The following FBXW11 variants were observed in gnomAD, a reference collection of about 807,000 sequenced individuals.
The protein encoded by FBXW11 is F-box/WD repeat-containing protein 11.
Under a neutral mutation model 77.6 loss-of-function variants are expected in FBXW11, and 19 were observed. The ratio of observed to expected loss-of-function variants is 0.24; its 90% CI spans 0.17 to 0.36. The LOEUF (loss-of-function observed/expected upper bound fraction) is 0.36. Among genes scored for constraint, FBXW11 ranks in the 10% least tolerant of loss-of-function variants. The probability of loss-of-function intolerance (pLI) is 1.00; values close to 1 mark genes in which losing one functional copy is unlikely to be tolerated. For missense variants in FBXW11, 334 were observed against 704.2 expected (o/e 0.47, Z 5.95); for synonymous variants, 235 against 249.4 (o/e 0.94, Z 0.54).
chr5:171,984,772 G>GA lies in FBXW11; in HGVS notation c.45+21685dup, dbSNP rs765986558. ...CTCCATAATTATAAGGAAAATTATA[G>GA]AAAAAAAGAATCGCACTATAAATAT... On this transcript the variant is annotated intron_variant, in intron 1 of 13. Coordinates refer to ENST00000517395, the MANE Select transcript of FBXW11 (RefSeq NM_001378974.1). Among the ~76,000 whole-genome samples the GA allele has an allele frequency of 6.1e-4, 93 of 152,042 alleles. No individual in the cohort carries two copies. The Middle Eastern group carries it at 0.014, about 22-fold the overall frequency.
At chr5:171,891,953 T>C (rs1759377508) in intron 6 of FBXW11, among the ~76,000 whole-genome samples, 1 of 152,066 alleles carries the variant, frequency 6.6e-6, no homozygotes, top group African/African-American at 2.4e-5. Flanking sequence ...TAATGCCAAT[T>C]AAAAAACCAT....
intron 2 of FBXW11, among the ~76,000 whole-genome samples, chr5:171,942,286 T>C (rs907423319): frequency 1.7e-4 from 26 of 151,574 alleles, no homozygotes; most frequent in African/African-American, 6.1e-4. Context: ...ATAATTTCCT[T>C]TATAGCAGAG....
At chr5:171,944,302 C>T (rs111444116) in intron 2 of FBXW11, among the ~76,000 whole-genome samples, 93 of 151,832 alleles carry the variant, frequency 6.1e-4, no homozygotes, top group African/African-American at 2.1e-3. Flanking sequence ...GAAGGCCGGG[C>T]GCTGTGGCTC....
intron 7 of FBXW11, among the ~76,000 whole-genome samples, chr5:171,887,668 T>G (rs1042825073): frequency 4.0e-5 from 6 of 149,056 alleles, no homozygotes; most frequent in African/African-American, 1.5e-4. Flanking sequence ...TTTTCTTTCT[T>G]TTTTTTTTTA....
intron 1 of FBXW11, chr5:171,996,759 A>G (rs1257296337): frequency 1.8e-6 from 1 of 558,074 alleles, no homozygotes; most frequent in African/African-American, 2.0e-5. Flanking sequence ...CAAACATGAC[A>G]CTACGCACAA....
rs565806852 is a variant in FBXW11 at position 171,863,364 on chromosome 5, G to A, written c.*763C>T. 4 of 152,690 alleles carry A rather than the reference G, an allele frequency of 2.6e-5. No homozygotes were observed. Among genetic ancestry groups the A allele is most frequent in the South Asian group, 2.1e-4 (1 of 4,818 alleles). The allele number at this position is 152,690 out of a possible 1,614,324, so 9.5% of individuals were successfully genotyped here. On this transcript the variant is annotated 3_prime_UTR_variant, in exon 14 of 14. Coordinates refer to ENST00000517395, the MANE Select transcript of FBXW11 (RefSeq NM_001378974.1). ...TGTTATGTACATTATATCTACATGC[G>A]AATACAGTATTTTAAATTAGGAGGC...
At chr5:171,978,644 T>G (rs890520269) in intron 1 of FBXW11, among the ~76,000 whole-genome samples, 2 of 152,166 alleles carry the variant, frequency 1.3e-5, no homozygotes, top group African/African-American at 4.8e-5. Flanking sequence ...CCATGGACAG[T>G]ATGCAGAGTG....
chr5:171,940,563 G>A (rs578078315), intron 2 of FBXW11, among the ~76,000 whole-genome samples: 2 of 152,238 alleles, frequency 1.3e-5, no homozygotes, highest in Admixed American at 1.3e-4. Context: ...AGAAAATAAG[G>A]AAGTACTTAA....
intron 1 of FBXW11, among the ~76,000 whole-genome samples, chr5:171,971,760 A>G (rs1764545764): frequency 6.6e-6 from 1 of 152,212 alleles, no homozygotes; most frequent in South Asian, 2.1e-4. Flanking sequence ...AGGAGGGTGG[A>G]CTGCTTGAGC....
intron 2 of FBXW11, among the ~76,000 whole-genome samples, chr5:171,919,910 C>A (rs1179018949): frequency 6.6e-6 from 1 of 152,182 alleles, no homozygotes; most frequent in Non-Finnish European, 1.5e-5. Flanking sequence ...AATCCCAGCA[C>A]TTTGGGAGGC....
At chr5:171,867,713 T>C (rs1310032335) in intron 13 of FBXW11, 4 of 152,190 alleles carry the variant, frequency 2.6e-5, no homozygotes, top group African/African-American at 9.7e-5. Flanking sequence ...TCTTATACTT[T>C]TGAAATTCAA....
intron 2 of FBXW11, among the ~76,000 whole-genome samples, chr5:171,952,470 T>TTTTTTTTTTTA (rs1763396574): frequency 9.2e-6 from 1 of 108,968 alleles, no homozygotes; most frequent in African/African-American, 3.4e-5. Flanking sequence ...TTTTTTTTTT[T>TTTTTTTTTTTA]GAGACGGAGT....
intron 2 of FBXW11, among the ~76,000 whole-genome samples, chr5:171,931,894 T>G (rs1185118458): frequency 9.1e-6 from 1 of 109,350 alleles, no homozygotes; most frequent in Admixed American, 1.2e-4. Flanking sequence ...TCTCTCTCTC[T>G]CACAGGGTCT....
At chr5:171,975,816 C>T (rs114965365) in intron 1 of FBXW11, among the ~76,000 whole-genome samples, 5 of 152,134 alleles carry the variant, frequency 3.3e-5, no homozygotes, top group African/African-American at 4.8e-5. Flanking sequence ...GGGATTAGGG[C>T]GAACAAAAAT....
chr5:172,004,837 T>C (rs1430936196), intron 1 of FBXW11, among the ~76,000 whole-genome samples: 1 of 151,264 alleles, frequency 6.6e-6, no homozygotes, highest in Non-Finnish European at 1.5e-5. Flanking sequence ...TCACTCAGTA[T>C]GTGACATCCC....
chr5:171,896,845 T>G (rs1298057189), intron 6 of FBXW11, among the ~76,000 whole-genome samples: 1 of 152,184 alleles, frequency 6.6e-6, no homozygotes, highest in Non-Finnish European at 1.5e-5. Context: ...GAGGATTTCA[T>G]ACCAGTCATA....
At chr5:171,917,766 CTGTGTGTGTG>C (rs60601173) in intron 2 of FBXW11, among the ~76,000 whole-genome samples, 19 of 147,580 alleles carry the variant, frequency 1.3e-4, no homozygotes, top group South Asian at 6.6e-4. Flanking sequence ...TAGACTCACT[CTGTGTGTGTG>C]TGTGTGTGTG....
chr5:171,923,063 C>A (rs1033321167), intron 2 of FBXW11, among the ~76,000 whole-genome samples: 3 of 151,956 alleles, frequency 2.0e-5, no homozygotes, highest in Non-Finnish European at 2.9e-5. Context: ...TACAGGCGTG[C>A]ACCACCATGC....
intron 1 of FBXW11, among the ~76,000 whole-genome samples, chr5:171,961,063 A>G (rs1227717995): frequency 6.6e-6 from 1 of 152,232 alleles, no homozygotes; most frequent in Non-Finnish European, 1.5e-5. Flanking sequence ...CATTTTTACA[A>G]TAATCCTACA....
Sources: allele counts gnomAD v4.1 joint callset (sites outside exome capture counted in the v4.1 genomes callset), GRCh38; gene constraint gnomAD v4.1.1; transcripts MANE v1.5; gene names NCBI Gene and HGNC (gene_info 2026-07-23, HGNC 2026-07-21).